Variants in HSPA4L observed in about 807,000 individuals in gnomAD.
HSPA4L encodes the protein heat shock 70 kDa protein 4L.
In HSPA4L, 48 loss-of-function variants were observed where a neutral mutation model predicts 100.3. That is an observed-to-expected ratio of 0.48 (90% CI 0.38 to 0.61). The LOEUF (loss-of-function observed/expected upper bound fraction) is 0.61, where lower values mean the gene tolerates loss of function less well. Ranked by LOEUF, HSPA4L falls within the 20% of genes least tolerant of loss-of-function variation. HSPA4L has a pLI of 0.00. For synonymous variants in HSPA4L, 319 were observed against 328.2 expected, an observed-to-expected ratio of 0.97 and a Z score of 0.30; for missense variants, 886 against 988.6, an observed-to-expected ratio of 0.90 and a Z score of 1.39.
At chr4:127,815,759 G>C (rs933744683) in intron 12 of HSPA4L, among the ~76,000 whole-genome samples, 1 of 152,140 alleles carries the variant, frequency 6.6e-6, no homozygotes, top group Admixed American at 6.5e-5. Flanking sequence ...AGTCTAGTGG[G>C]AGAGGACAGG....
At chr4:127,789,182 C>A (rs1732801601) in intron 1 of HSPA4L, among the ~76,000 whole-genome samples, 1 of 152,184 alleles carries the variant, frequency 6.6e-6, no homozygotes, top group African/African-American at 2.4e-5. Flanking sequence ...ACAGATACAG[C>A]TTTCTTAAAG....
At chr4:127,788,222 G>A (rs1199085167) in intron 1 of HSPA4L, among the ~76,000 whole-genome samples, 4 of 151,970 alleles carry the variant, frequency 2.6e-5, no homozygotes, top group Admixed American at 2.6e-4. Flanking sequence ...ATTTATTTAT[G>A]ATTACCTTTA....
chr4:127,829,930 A>G (rs78722410), intron 17 of HSPA4L, among the ~76,000 whole-genome samples: 10,973 of 148,620 alleles, frequency 0.074, 516 homozygotes, highest in Non-Finnish European at 0.097. Context: ...ATAAAAGCAG[A>G]AGGAGGATTT....
intron 12 of HSPA4L, among the ~76,000 whole-genome samples, chr4:127,817,423 G>T (rs1436065990): frequency 1.3e-5 from 2 of 151,950 alleles, no homozygotes; most frequent in African/African-American, 4.8e-5. Context: ...TTACAGATTT[G>T]CTTAATTCTA....
intron 14 of HSPA4L, 126 bp from the exon 15 acceptor site, chr4:127,822,643 T>A (rs927706016): frequency 8.1e-6 from 7 of 868,872 alleles, no homozygotes; most frequent in Non-Finnish European, 1.2e-5. Flanking sequence ...TTTCTCCACA[T>A]CCTCATGAAT....
At chr4:127,810,430 C>T (rs961257229) in intron 11 of HSPA4L, among the ~76,000 whole-genome samples, 1 of 152,100 alleles carries the variant, frequency 6.6e-6, no homozygotes, top group African/African-American at 2.4e-5. Flanking sequence ...TGTCTCATTT[C>T]TGGAGGTTAG....
chr4:127,796,955 A>C (rs1328864798), intron 3 of HSPA4L, among the ~76,000 whole-genome samples: 1 of 152,226 alleles, frequency 6.6e-6, no homozygotes, highest in Admixed American at 6.5e-5. Context: ...ATGCTGTGCA[A>C]ATTATCTCTT....
Position 127,782,625 on chromosome 4 carries a change from C to A in HSPA4L, c.75C>A (p.Thr25=), listed in dbSNP as rs1732595096. ...TCGCGAGAAGTGGCGGCATCGAGAC[C>A]ATCGCCAATGAGTACAGCGACAGGT... ...IAVARSGGIE[T]IANEYSDRCT... is the part of the protein sequence containing the mutation. The change falls in exon 1 of 19, where the codon ACC becomes ACA. Residue 25 remains threonine (T), a synonymous_variant. Transcript: ENST00000296464. The A allele has an allele frequency of 6.2e-7, 1 of 1,613,748 alleles. No homozygotes were observed. Among genetic ancestry groups the A allele is most frequent in the African/African-American group, 1.3e-5 (1 of 74,888 alleles).
At position 127,832,732 on chromosome 4, in the gene HSPA4L, CAGA is replaced by C. The variant is rs1560674109; in HGVS notation, c.2381_2383del (p.Glu794del). On this transcript the variant is annotated inframe_deletion, in exon 19 of 19. Transcript: ENST00000296464. ...ATCATTTACAAGCCCAAACCAAAAG[CAGA>C]AGTTCCTGAAGACAAACCAAAAGCT... is the stretch of plus-strand genomic sequence containing the variant. The C allele has an allele frequency of 6.2e-7, 1 of 1,612,872 alleles. No individual in the cohort carries two copies. The highest frequency in any genetic ancestry group is 1.7e-5 in the Admixed American group (1 of 59,890).
In HSPA4L at chr4:127,782,652, T is replaced by C; in HGVS notation, c.102T>C (p.Cys34=). The change falls in exon 1 of 19, where the codon TGT becomes TGC. Residue 34 remains cysteine, a synonymous_variant. Coordinates refer to ENST00000296464, the MANE Select transcript of HSPA4L (RefSeq NM_014278.4). ...TCGCCAATGAGTACAGCGACAGGTG[T>C]ACCCCGTAAGTGCCTCTGCTGAGCA... is the stretch of plus-strand genomic sequence containing the variant. ...ETIANEYSDR[C]TPACISLGSR... is the part of the protein sequence containing the mutation. 1.2e-6 allele frequency: 2 copies of C among 1,610,194 alleles called. No homozygotes were observed. Among genetic ancestry groups the C allele is most frequent in the Non-Finnish European group, 1.7e-6 (2 of 1,177,648 alleles).
At chr4:127,800,184 A>T (rs1370998519) in intron 4 of HSPA4L, among the ~76,000 whole-genome samples, 2 of 152,196 alleles carry the variant, frequency 1.3e-5, no homozygotes, top group Non-Finnish European at 2.9e-5. Flanking sequence ...TGGGCTGGGC[A>T]TGGCGGCTTA....
chr4:127,826,857 GTATA>G (rs1733962194), intron 16 of HSPA4L, among the ~76,000 whole-genome samples: 1 of 152,028 alleles, frequency 6.6e-6, no homozygotes, highest in Non-Finnish European at 1.5e-5. Context: ...CTGATTAAAT[GTATA>G]AATAATATTT....
At chr4:127,827,629 T>TA (rs2148799771) in intron 17 of HSPA4L, among the ~76,000 whole-genome samples, 1 of 152,272 alleles carries the variant, frequency 6.6e-6, no homozygotes, top group East Asian at 1.9e-4. Context: ...TAAAGGTATG[T>TA]AGCTTTCATC....
At chr4:127,802,078 G>A (rs1246329581) in intron 6 of HSPA4L, among the ~76,000 whole-genome samples, 160 bp downstream of exon 6, 1 of 152,152 alleles carries the variant, frequency 6.6e-6, no homozygotes, top group Non-Finnish European at 1.5e-5. Flanking sequence ...GAGAACAACA[G>A]TAGTAACTAC....
In HSPA4L at chr4:127,782,634, T is replaced by C. The variant is rs1732595564; in HGVS notation, c.84T>C (p.Asn28=). 1 of 1,613,634 alleles carries C rather than the reference T, an allele frequency of 6.2e-7. No homozygotes were observed. Among genetic ancestry groups the C allele is most frequent in the African/African-American group, 1.3e-5 (1 of 74,890 alleles). The change falls in exon 1 of 19, where the codon AAT becomes AAC. Residue 28 remains asparagine, a synonymous_variant. Transcript: ENST00000296464. ...GTGGCGGCATCGAGACCATCGCCAA[T>C]GAGTACAGCGACAGGTGTACCCCGT... is the stretch of plus-strand genomic sequence containing the variant. ...ARSGGIETIA[N]EYSDRCTPAC... is the part of the protein sequence containing the mutation.
chr4:127,820,958 TA>T (rs1306491918), intron 14 of HSPA4L, among the ~76,000 whole-genome samples: 2 of 152,150 alleles, frequency 1.3e-5, no homozygotes, highest in African/African-American at 4.8e-5. Flanking sequence ...AATATTTTTT[TA>T]AAAAATCTTT....
rs1215161365 is a variant in HSPA4L, at chr4:127,840,270, G to T, written c.*7396G>T. 1 of 144,276 alleles carries T rather than the reference G, an allele frequency of 6.9e-6. No homozygotes were observed. The highest frequency in any genetic ancestry group is 2.6e-5 in the African/African-American group (1 of 38,366). The allele number at this position is 144,276 out of a possible 1,614,324, so 8.9% of individuals were successfully genotyped here. A position where few individuals can be genotyped will look rare whatever the true frequency, so the allele number is the denominator to read the frequency against. On this transcript the variant is annotated 3_prime_UTR_variant, in exon 19 of 19. Transcript: ENST00000296464. ...TTTGTGTATGTGATGACTGACTCTAGTCATTATGGAAAATAACTTTTGGCA... is the reference window on the plus strand; with the variant it reads ...TTTGTGTATGTGATGACTGACTCTATTCATTATGGAAAATAACTTTTGGCA...
At chr4:127,803,118 G>GT (rs1428190444) in intron 6 of HSPA4L, among the ~76,000 whole-genome samples, 1 of 151,684 alleles carries the variant, frequency 6.6e-6, no homozygotes, top group Admixed American at 6.6e-5. Context: ...TTTTGGTTGT[G>GT]TTTTTTGTTT....
chr4:127,794,079 C>T lies in HSPA4L; in HGVS notation c.110C>T (p.Ala37Val), dbSNP rs766607334. The T allele has an allele frequency of 1.9e-6, 3 of 1,605,988 alleles. No homozygotes were observed. Among genetic ancestry groups the T allele is most frequent in the Non-Finnish European group, 8.5e-7 (1 of 1,175,222 alleles). The change falls in exon 2 of 19, where the codon GCC becomes GTC. Residue 37 changes from alanine (A) to valine (V), a missense_variant and splice_region_variant. Physicochemically the swap from Ala to Val is moderately conservative, Grantham distance 64. Coordinates refer to ENST00000296464, the MANE Select transcript of HSPA4L (RefSeq NM_014278.4). ...ANEYSDRCTP[A>V]CISLGSRTRA... Reference sequence around the variant, plus strand: ...AACTTTTTGTTTTTCTGGTTTAGGGCCTGTATATCATTGGGATCAAGAACT... The same window carrying T: ...AACTTTTTGTTTTTCTGGTTTAGGGTCTGTATATCATTGGGATCAAGAACT...
Sources: gnomAD v4.1 joint callset for allele counts (sites outside exome capture counted in the v4.1 genomes callset) on GRCh38, gnomAD v4.1.1 for gene constraint, MANE v1.5 for transcripts, NCBI Gene and HGNC (gene_info 2026-07-23, HGNC 2026-07-21) for gene names.